Variants in UEVLD observed in about 807,000 individuals in gnomAD.
UEVLD encodes ubiquitin-conjugating enzyme E2 variant 3.
UEVLD carries 47 observed loss-of-function variants against 58.6 expected under a neutral mutation model. That is an observed-to-expected ratio of 0.80 (90% CI 0.63 to 1.02). The LOEUF is 1.02. Ranked by LOEUF, UEVLD falls within the 50% of genes least tolerant of loss-of-function variation. The pLI is 0.00. For missense variants in UEVLD, 510 were observed against 550.6 expected (o/e 0.93, Z 0.74); for synonymous variants, 197 against 195.3 (o/e 1.01, Z -0.07).
At chr11:18,576,958 G>A (rs1457682529) in intron 2 of UEVLD, among the ~76,000 whole-genome samples, 4 of 152,156 alleles carry the variant, frequency 2.6e-5, no homozygotes, top group East Asian at 1.9e-4. Flanking sequence ...CAAGGTGGGT[G>A]GATCACTTGA....
chr11:18,574,202 C>T (rs1409697156), intron 3 of UEVLD, among the ~76,000 whole-genome samples: 1 of 152,226 alleles, frequency 6.6e-6, no homozygotes, highest in Non-Finnish European at 1.5e-5. Context: ...AGTGCAGTGG[C>T]ACAATCTCGG....
At chr11:18,552,042 T>TACTC (rs1851550357) in intron 7 of UEVLD, among the ~76,000 whole-genome samples, 1 of 152,244 alleles carries the variant, frequency 6.6e-6, no homozygotes, top group South Asian at 2.1e-4. Context: ...ATATTCTAGC[T>TACTC]ACTCTATCAG....
At chr11:18,574,044 TC>T (rs1852773614) in intron 3 of UEVLD, among the ~76,000 whole-genome samples, 1 of 152,116 alleles carries the variant, frequency 6.6e-6, no homozygotes, top group African/African-American at 2.4e-5. Flanking sequence ...TCAAACTAAC[TC>T]CACTGTTCAA....
In UEVLD at chr11:18,583,722, C is replaced by T. The variant is rs1320036101; in HGVS notation, c.42+4891G>A. Among the ~76,000 whole-genome samples, 8 of 135,924 alleles carry T rather than the reference C, an allele frequency of 5.9e-5. No individual in the cohort carries two copies. In the East Asian group the frequency reaches 9.0e-4, roughly 15 times the overall value. 89.2% of individuals were successfully genotyped at this position (135,924 alleles called of 152,430 possible). ...TGTTGCACAGGATGGAATGCAATGG[C>T]GCAATCCCGGCTCACCGCAACCTGC... On this transcript the variant is annotated intron_variant, in intron 1 of 11. Transcript: ENST00000396197.
intron 9 of UEVLD, among the ~76,000 whole-genome samples, chr11:18,538,520 G>A (rs1004937793): frequency 3.3e-5 from 5 of 150,428 alleles, no homozygotes; most frequent in African/African-American, 1.2e-4. Context: ...ACCATGTTGG[G>A]CAGGCTGGTC....
At chr11:18,557,431 C>A (rs898170749) in intron 7 of UEVLD, among the ~76,000 whole-genome samples, 1 of 152,054 alleles carries the variant, frequency 6.6e-6, no homozygotes, top group East Asian at 1.9e-4. Context: ...GGATTACAGG[C>A]GTGAGCCACC....
Position 18,544,787 on chromosome 11 carries a change from A to G in UEVLD, c.896T>C (p.Met299Thr). The G allele has an allele frequency of 6.5e-7, 1 of 1,532,392 alleles. No homozygotes were observed. The highest frequency in any genetic ancestry group is 8.7e-7 in the Non-Finnish European group (1 of 1,149,984). 94.9% of individuals were successfully genotyped at this position (1,532,392 alleles called of 1,614,324 possible). ...ACTCAGTTTCCATGTTACATAGGTC[A>G]TGATTTCCACTAAATATTGCATACA... ...LLVASQPVEIMTYVTWKLSTF... is the reference protein window; with the variant it reads ...LLVASQPVEITTYVTWKLSTF... The change falls in exon 9 of 12, where the codon ATG becomes ACG. Residue 299 changes from methionine (M) to threonine (T), a missense_variant. Physicochemically the swap from Met to Thr is moderately conservative, Grantham distance 81. Coordinates refer to ENST00000396197, the MANE Select transcript of UEVLD (RefSeq NM_001040697.4).
chr11:18,566,863 A>G (rs1852325852), intron 4 of UEVLD, among the ~76,000 whole-genome samples: 1 of 152,248 alleles, frequency 6.6e-6, no homozygotes, highest in South Asian at 2.1e-4. Flanking sequence ...AAGTAGAAAA[A>G]TAGCATGAAT....
At chr11:18,549,261 T>A (rs1459793977) in intron 7 of UEVLD, among the ~76,000 whole-genome samples, 7 of 152,200 alleles carry the variant, frequency 4.6e-5, no homozygotes, top group African/African-American at 1.7e-4. Flanking sequence ...GGTTAGGTGG[T>A]CTGTCCATAT....
At chr11:18,562,972 G>A (rs1852116702) in intron 6 of UEVLD, among the ~76,000 whole-genome samples, 1 of 152,052 alleles carries the variant, frequency 6.6e-6, no homozygotes, top group South Asian at 2.1e-4. Flanking sequence ...CTTAAGCCCA[G>A]GAGATAGAGA....
Position 18,588,614 on chromosome 11 carries a change from T to G in UEVLD, c.41A>C (p.Lys14Thr). ...DCEGLRRLLG[K>T]YKFRDLTVEE... is the part of the protein sequence containing the mutation. Reference sequence around the variant, plus strand: ...ACTGGCCCAGCGGACTGCCCGCACCTTGCCAAGCAGCCGTCTCAGGCCCTC... The same window carrying G: ...ACTGGCCCAGCGGACTGCCCGCACCGTGCCAAGCAGCCGTCTCAGGCCCTC... The change falls in exon 1 of 12, where the codon AAG (lysine) becomes ACG (threonine). Residue 14 changes from lysine (K) to threonine (T), a missense_variant and splice_region_variant. Coordinates refer to ENST00000396197, the MANE Select transcript of UEVLD (RefSeq NM_001040697.4). The G allele has an allele frequency of 6.2e-7, 1 of 1,610,248 alleles. No individual in the cohort carries two copies. Among genetic ancestry groups the G allele is most frequent in the Non-Finnish European group, 8.5e-7 (1 of 1,179,830 alleles).
rs139417222 is a variant in UEVLD, at chr11:18,555,014, T to G, written c.715+3214A>C. The stretch of plus-strand genomic sequence containing the variant: ...TTAAAATTACTTCATCTAAGGATGG[T>G]TGCAGTGGCTCATGCCTGTAATCCC... On this transcript the variant is annotated intron_variant, in intron 7 of 11. Coordinates refer to ENST00000396197, the MANE Select transcript of UEVLD (RefSeq NM_001040697.4). 7.4e-3 allele frequency among the ~76,000 whole-genome samples: 1,120 copies of G among 152,294 alleles called. 13 individuals carry two copies. The highest frequency in any genetic ancestry group is 0.026 in the African/African-American group (1,069 of 41,562).
In UEVLD at chr11:18,570,273, C is replaced by G. The variant is rs374766407; in HGVS notation, c.298G>C (p.Gly100Arg). 11 of 1,603,988 alleles carry G rather than the reference C, an allele frequency of 6.9e-6. No homozygotes were observed. The highest frequency in any genetic ancestry group is 9.3e-6 in the Non-Finnish European group (11 of 1,176,700). ...KPTANMGILV[G>R]KHVDAQGRIY... Reference sequence around the variant, plus strand: ...CTGCCTTGAGCATCCACATGTTTTCCGACTAAGATTCCCATATTTGCAGTT... The same window carrying G: ...CTGCCTTGAGCATCCACATGTTTTCGGACTAAGATTCCCATATTTGCAGTT... The change falls in exon 4 of 12, where the codon GGA (glycine) becomes CGA (arginine). Residue 100 changes from glycine to arginine, a missense_variant. Physicochemically the swap from Gly to Arg is moderately radical, Grantham distance 125 (BLOSUM62 -2). Coordinates refer to ENST00000396197, the MANE Select transcript of UEVLD (RefSeq NM_001040697.4).
chr11:18,552,331 G>A (rs1202087096), intron 7 of UEVLD, among the ~76,000 whole-genome samples: 1 of 152,000 alleles, frequency 6.6e-6, no homozygotes, highest in African/African-American at 2.4e-5. Context: ...GATCACTTGA[G>A]GCCACGAGTT....
chr11:18,580,881 C>T (rs1399807561), intron 1 of UEVLD, among the ~76,000 whole-genome samples: 2 of 151,640 alleles, frequency 1.3e-5, no homozygotes, highest in Non-Finnish European at 2.9e-5. Context: ...AGATACAGCT[C>T]GCCAGGCGCG....
chr11:18,561,323 G>A (rs917767767), intron 6 of UEVLD, among the ~76,000 whole-genome samples: 1 of 152,228 alleles, frequency 6.6e-6, no homozygotes, highest in Non-Finnish European at 1.5e-5. Context: ...GCCAGGCACG[G>A]TGGCTCATGC....
At chr11:18,570,514 G>A in intron 3 of UEVLD, 137 bp from the exon 4 acceptor site, 1 of 762,342 alleles carries the variant, frequency 1.3e-6, no homozygotes, top group Non-Finnish European at 1.9e-6. Context: ...GGGATGCTGA[G>A]GTGAGCAGAT....
intron 7 of UEVLD, among the ~76,000 whole-genome samples, chr11:18,551,356 G>T (rs1203925480): frequency 6.8e-6 from 1 of 148,106 alleles, no homozygotes; most frequent in Non-Finnish European, 1.5e-5. Flanking sequence ...CTGGGAGGAG[G>T]AGGTTGTAGT....
intron 3 of UEVLD, among the ~76,000 whole-genome samples, chr11:18,573,071 G>A (rs967740803): frequency 6.6e-5 from 10 of 152,058 alleles, no homozygotes; most frequent in African/African-American, 2.4e-4. Context: ...TGTAATGCAG[G>A]AAAAAAAGGT....
Sources: gnomAD v4.1 joint callset for allele counts (sites outside exome capture counted in the v4.1 genomes callset) on GRCh38, gnomAD v4.1.1 for gene constraint, MANE v1.5 for transcripts, NCBI Gene and HGNC (gene_info 2026-07-23, HGNC 2026-07-21) for gene names.